TMEM74B: variants seen among roughly 807,000 people sequenced by gnomAD.
TMEM74B encodes the protein transmembrane protein C20orf46.
Under a neutral mutation model 6.5 loss-of-function variants are expected in TMEM74B, and 7 were observed. That is an observed-to-expected ratio of 1.07 (90% CI 0.61 to 2.01). TMEM74B has a LOEUF of 2.01. Among genes scored for constraint, TMEM74B ranks in the 30% most tolerant of loss-of-function variants. The probability of loss-of-function intolerance (pLI) is 0.00; values close to 1 mark genes in which losing one functional copy is unlikely to be tolerated. For missense variants in TMEM74B, 342 were observed against 337.0 expected (o/e 1.01, Z -0.12); for synonymous variants, 151 against 151.6 (o/e 1.00, Z 0.03).
At chr20:1,188,466 A>G (rs112066154), upstream of TMEM74B, among the ~76,000 whole-genome samples, 1,767 of 149,108 alleles carry the variant, frequency 0.012, 33 homozygotes, top group African/African-American at 0.041. Context: ...CTCTACACAC[A>G]CTACACATAC....
chr20:1,187,959 T>C (rs1200649215), upstream of TMEM74B, among the ~76,000 whole-genome samples: 1 of 152,170 alleles, frequency 6.6e-6, no homozygotes, highest in African/African-American at 2.4e-5. Flanking sequence ...CTTTGGAAGC[T>C]CTGTTTCCTG....
Position 1,181,978 on chromosome 20 carries a change from G to A in TMEM74B, c.32-391C>T, listed in dbSNP as rs147169967. Among the ~76,000 whole-genome samples the A allele has an allele frequency of 4.7e-3, 722 of 152,340 alleles. 3 individuals carry two copies. Among genetic ancestry groups the A allele is most frequent in the Middle Eastern group, 0.02 (6 of 294 alleles). On this transcript the variant is annotated intron_variant, in intron 2 of 2. Transcript: ENST00000429036. The surrounding 1 kb of genome is among the most constrained non-coding windows in gnomAD (Gnocchi z 4.9). ...ATACTGGAGGGAATGTAGGTAGTGT[G>A]AATATCAGGCTCAAATCCCAGCTTC...
At chr20:1,182,772 C>A (rs376607017) in intron 2 of TMEM74B, among the ~76,000 whole-genome samples, 2 of 152,216 alleles carry the variant, frequency 1.3e-5, no homozygotes, top group Non-Finnish European at 2.9e-5. Flanking sequence ...CTGAAGGATA[C>A]TGACTTACAG....
At chr20:1,188,504 A>C (rs1012332510), upstream of TMEM74B, among the ~76,000 whole-genome samples, 4 of 150,092 alleles carry the variant, frequency 2.7e-5, no homozygotes, top group African/African-American at 9.8e-5. Context: ...CACTACACAC[A>C]CATGCCACAC....
upstream of TMEM74B, among the ~76,000 whole-genome samples, chr20:1,188,786 T>C (rs549052068): frequency 2.3e-4 from 35 of 152,290 alleles, no homozygotes; most frequent in Non-Finnish European, 4.3e-4. Context: ...ACAAAAAGTA[T>C]GAAATAAATA....
At position 1,183,751 on chromosome 20, in the gene TMEM74B, AATT is replaced by A; in HGVS notation, c.31+17_31+19del. ...AGGAGTTGAATGCAGATTCCCTAAG[AATT>A]ATTATCATGTACAAACCTGCAAACT... On this transcript the variant is annotated intron_variant, in intron 2 of 2. Transcript: ENST00000429036. The A allele has an allele frequency of 1.2e-6, 2 of 1,613,738 alleles. No homozygotes were observed. Among genetic ancestry groups the A allele is most frequent in the Non-Finnish European group, 1.7e-6 (2 of 1,179,892 alleles).
At chr20:1,185,308 G>C (rs1327182813), upstream of TMEM74B, 5 of 151,882 alleles carry the variant, frequency 3.3e-5, 1 homozygote, top group Admixed American at 3.3e-4. Context: ...CGGAGGGCGC[G>C]GGCCCGGCCG....
chr20:1,183,876 C>T lies in TMEM74B; in HGVS notation c.-75G>A. On this transcript the variant is annotated 5_prime_UTR_variant, in exon 2 of 3. Coordinates refer to ENST00000429036, the MANE Select transcript of TMEM74B (RefSeq NM_001304748.2). ...ATTTTATCCAGCTGTTTATCAGCAA[C>T]CGTGAGCACCTTGAGAGCAGGCATA... 3.8e-6 allele frequency: 6 copies of T among 1,571,850 alleles called. No homozygotes were observed. The highest frequency in any genetic ancestry group is 5.2e-6 in the Non-Finnish European group (6 of 1,147,756).
At chr20:1,188,183 C>T (rs1341732935), upstream of TMEM74B, among the ~76,000 whole-genome samples, 3 of 145,586 alleles carry the variant, frequency 2.1e-5, no homozygotes, top group African/African-American at 5.2e-5. Context: ...CACACACACA[C>T]GGGCTAGTAT....
Position 1,181,233 on chromosome 20 carries a change from A to C in TMEM74B, c.386T>G (p.Phe129Cys). 1 of 1,614,156 alleles carries C rather than the reference A, an allele frequency of 6.2e-7. No homozygotes were observed. The highest frequency in any genetic ancestry group is 8.5e-7 in the Non-Finnish European group (1 of 1,180,020). ...CACCAGAAGAATCCCACTCACCAGG[A>C]AAACGAGGGCGGAAACAAAGCCATA... ...VDYGFVSALV[F>C]LVSGILLVVT... The change falls in exon 3 of 3, where the codon TTC becomes TGC. Residue 129 changes from phenylalanine (F) to cysteine (C), a missense_variant. Transcript: ENST00000429036. The surrounding 1 kb of genome is among the most constrained non-coding windows in gnomAD (Gnocchi z 4.9).
chr20:1,183,211 G>A (rs960346015), intron 2 of TMEM74B, among the ~76,000 whole-genome samples: 23 of 152,230 alleles, frequency 1.5e-4, no homozygotes, highest in Admixed American at 1.3e-3. Flanking sequence ...GTGTGTCTAC[G>A]CACACATACA....
chr20:1,187,808 C>T (rs1238124682), upstream of TMEM74B, among the ~76,000 whole-genome samples: 2 of 152,180 alleles, frequency 1.3e-5, no homozygotes, highest in South Asian at 2.1e-4. Context: ...GGAGACGAGC[C>T]TGGGCTTAGC....
At position 1,184,466 on chromosome 20, in the gene TMEM74B, C is replaced by T. The variant is rs1379395896; in HGVS notation, c.-312G>A. 1 of 152,512 alleles carries T rather than the reference C, an allele frequency of 6.6e-6. No individual in the cohort carries two copies. Among genetic ancestry groups the T allele is most frequent in the African/African-American group, 2.4e-5 (1 of 41,436 alleles). 9.4% of individuals were successfully genotyped at this position (152,512 alleles called of 1,614,324 possible). ...CGACCCCACCAGTTACTAATTTCAT[C>T]TGCAGTCAGACAGGTCCTGAAAGGA... is the stretch of plus-strand genomic sequence containing the variant. On this transcript the variant is annotated 5_prime_UTR_variant, in exon 1 of 3. Coordinates refer to ENST00000429036, the MANE Select transcript of TMEM74B (RefSeq NM_001304748.2). The surrounding 1 kb of genome is among the most constrained non-coding windows in gnomAD (Gnocchi z 6.0).
upstream of TMEM74B, among the ~76,000 whole-genome samples, chr20:1,188,542 CCA>C (rs2122703093): frequency 6.8e-6 from 1 of 147,490 alleles, no homozygotes; most frequent in East Asian, 2.0e-4. Flanking sequence ...ACTACACACA[CCA>C]CACACATACC....
At chr20:1,183,672 CTA>C in intron 2 of TMEM74B, 97 bp downstream of exon 2, 1 of 1,456,972 alleles carries the variant, frequency 6.9e-7, no homozygotes, top group Non-Finnish European at 9.5e-7. Flanking sequence ...ATTACTGTCT[CTA>C]TTTCATAAAA....
upstream of TMEM74B, chr20:1,186,241 C>T (rs972633259): frequency 6.6e-6 from 1 of 152,272 alleles, no homozygotes; most frequent in Non-Finnish European, 1.5e-5. Context: ...ATTGGCAGCT[C>T]CTGGAGAGCA....
chr20:1,183,313 TGTTTGTG>T (rs1187590131), intron 2 of TMEM74B, among the ~76,000 whole-genome samples: 3,421 of 150,970 alleles, frequency 0.023, 90 homozygotes, highest in Admixed American at 0.08. Flanking sequence ...TGTGTGTGTG[TGTTTGTG>T]TGTGTGTGTG....
In TMEM74B at chr20:1,180,651, A is replaced by C. The variant is rs1458638388; in HGVS notation, c.*197T>G. On this transcript the variant is annotated 3_prime_UTR_variant, in exon 3 of 3. Coordinates refer to ENST00000429036, the MANE Select transcript of TMEM74B (RefSeq NM_001304748.2). This position sits in a 1 kb window ranked among gnomAD's most constrained non-coding sequence, Gnocchi z 6.1. The stretch of plus-strand genomic sequence containing the variant: ...GTATGCAAAACCTCAGCTACAAAAC[A>C]GATCAGTGGGCTGCTTGCCCGTGTG... The C allele has an allele frequency of 3.4e-6, 2 of 592,780 alleles. No homozygotes were observed. Among genetic ancestry groups the C allele is most frequent in the Non-Finnish European group, 5.1e-6 (2 of 388,538 alleles). The allele number at this position is 592,780 out of a possible 1,614,324, so 36.7% of individuals were successfully genotyped here.
intron 2 of TMEM74B, among the ~76,000 whole-genome samples, chr20:1,182,201 T>C (rs919511529): frequency 4.8e-5 from 7 of 147,186 alleles, no homozygotes; most frequent in African/African-American, 1.5e-4. Flanking sequence ...GGGGAGGGGG[T>C]AGAAATGCAG....
Sources: gnomAD v4.1 joint callset for allele counts (sites outside exome capture counted in the v4.1 genomes callset) on GRCh38, gnomAD v4.1.1 for gene constraint, Gnocchi (gnomAD v3.1) non-coding constraint, MANE v1.5 for transcripts, NCBI Gene and HGNC (gene_info 2026-07-23, HGNC 2026-07-21) for gene names.